Variants in SCEL observed in about 807,000 individuals in gnomAD.
SCEL encodes sciellin.
A neutral mutation model predicts 117.6 loss-of-function variants in SCEL; 113 were observed. The observed-to-expected ratio is 0.96, with a 90% CI of 0.83 to 1.12. The LOEUF is 1.12. Ranked by LOEUF, SCEL falls within the 50% of genes most tolerant of loss-of-function variation. The pLI, the probability that SCEL is intolerant of heterozygous loss-of-function variation, is 0.00. For synonymous variants in SCEL, 270 were observed against 256.2 expected (o/e 1.05, Z -0.51); for missense variants, 785 against 810.8 (o/e 0.97, Z 0.39).
chr13:77,586,426 C>G (rs1279391933), intron 9 of SCEL, among the ~76,000 whole-genome samples: 1 of 152,152 alleles, frequency 6.6e-6, no homozygotes, highest in Non-Finnish European at 1.5e-5. Context: ...ATCACAATCA[C>G]CAGTCCATTA....
At chr13:77,613,803 C>T in intron 23 of SCEL, 90 bp from the exon 24 acceptor site, 1 of 978,928 alleles carries the variant, frequency 1.0e-6, no homozygotes. Flanking sequence ...TGAGTTCTTA[C>T]ACTAGGATTC....
chr13:77,538,540 A>G (rs567610305), intron 1 of SCEL, among the ~76,000 whole-genome samples: 8 of 152,296 alleles, frequency 5.3e-5, no homozygotes, highest in African/African-American at 1.9e-4. Flanking sequence ...TCTTCCTCAC[A>G]TGGATGCTTT....
intron 28 of SCEL, among the ~76,000 whole-genome samples, chr13:77,629,234 T>C (rs530513971): frequency 6.6e-6 from 1 of 152,264 alleles, no homozygotes; most frequent in African/African-American, 2.4e-5. Context: ...CTGAAGAAGT[T>C]TGGAACCCTT....
At chr13:77,586,909 G>A (rs1337877643) in intron 9 of SCEL, among the ~76,000 whole-genome samples, 1 of 152,002 alleles carries the variant, frequency 6.6e-6, no homozygotes, top group Non-Finnish European at 1.5e-5. Context: ...CTTATGTCTG[G>A]GATTGCAGTG....
At chr13:77,563,236 C>T (rs1333095233) in intron 4 of SCEL, among the ~76,000 whole-genome samples, 1 of 151,840 alleles carries the variant, frequency 6.6e-6, no homozygotes, top group Non-Finnish European at 1.5e-5. Context: ...CTTCCTTTCT[C>T]TCACTTCCCA....
In SCEL at chr13:77,608,089, C is replaced by A; in HGVS notation, c.1191C>A (p.Thr397=). 1 of 1,613,168 alleles carries A rather than the reference C, an allele frequency of 6.2e-7. No individual in the cohort carries two copies. Among genetic ancestry groups the A allele is most frequent in the Non-Finnish European group, 8.5e-7 (1 of 1,179,482 alleles). ...GCCTTGATAATCTCATCAAAGTGAC[C>A]CCTGAAGTAAAGAGAAGTAACCAAG... ...GQSLDNLIKV[T]PEVKRSNQGS... Residue 397 remains threonine (T), a synonymous_variant, in exon 20 of 33, where the codon ACC becomes ACA. Coordinates refer to ENST00000349847, the MANE Select transcript of SCEL (RefSeq NM_144777.3).
rs893513841 is a variant in SCEL at position 77,589,008 on chromosome 13, C to T, written c.546-136C>T. ...AGTTTAGTGCTCCATGGATTCTGAC[C>T]TTTCAGGTACCTCACACATGGGGGT... On this transcript the variant is annotated intron_variant, in intron 9 of 32. Coordinates refer to ENST00000349847, the MANE Select transcript of SCEL (RefSeq NM_144777.3). 2.5e-5 allele frequency: 16 copies of T among 639,494 alleles called. No homozygotes were observed. The African/African-American group carries it at 2.8e-4, about 11-fold the overall frequency. 39.6% of individuals were successfully genotyped at this position (639,494 alleles called of 1,614,324 possible). A position where few individuals can be genotyped will look rare whatever the true frequency, so the allele number is the denominator to read the frequency against.
At chr13:77,599,496 TG>T (rs1297253363) in intron 14 of SCEL, 108 bp downstream of exon 14, 1 of 971,384 alleles carries the variant, frequency 1.0e-6, no homozygotes, top group African/African-American at 1.6e-5. Flanking sequence ...GGAAATGTAC[TG>T]GCAGATGGGG....
At chr13:77,577,646 C>G (rs1372521180) in intron 9 of SCEL, among the ~76,000 whole-genome samples, 4 of 152,148 alleles carry the variant, frequency 2.6e-5, no homozygotes, top group Non-Finnish European at 5.9e-5. Flanking sequence ...CTGTCCTGTT[C>G]TCTCAGCTCT....
chr13:77,585,083 T>C (rs1044595503), intron 9 of SCEL, among the ~76,000 whole-genome samples: 2 of 152,248 alleles, frequency 1.3e-5, no homozygotes, highest in African/African-American at 4.8e-5. Context: ...CAAATCCGTC[T>C]TTGGTACCCA....
In SCEL at chr13:77,599,724, C is replaced by G. The variant is rs752759339; in HGVS notation, c.893C>G (p.Thr298Ser). 6.2e-7 allele frequency: 1 copy of G among 1,611,710 alleles called. No homozygotes were observed. Among genetic ancestry groups the G allele is most frequent in the Non-Finnish European group, 8.5e-7 (1 of 1,177,810 alleles). The change falls in exon 15 of 33, where the codon ACC becomes AGC. Residue 298 changes from threonine to serine, a missense_variant. Physicochemically the swap from Thr to Ser is moderately conservative, Grantham distance 58. Coordinates refer to ENST00000349847, the MANE Select transcript of SCEL (RefSeq NM_144777.3). Reference protein sequence around the residue: ...KSLESLIYMSTRTDKDGKGIQ... With the variant: ...KSLESLIYMSSRTDKDGKGIQ... ...CTTGAAAGTCTCATCTATATGAGTACCCGGACAGATAAAGATGGCAAAGGG... is the reference window on the plus strand; with the variant it reads ...CTTGAAAGTCTCATCTATATGAGTAGCCGGACAGATAAAGATGGCAAAGGG...
At chr13:77,628,340 G>T (rs907680768) in intron 28 of SCEL, among the ~76,000 whole-genome samples, 2 of 151,960 alleles carry the variant, frequency 1.3e-5, no homozygotes, top group African/African-American at 4.8e-5. Context: ...CTTTGGGGCT[G>T]TGAAGATTTA....
intron 28 of SCEL, among the ~76,000 whole-genome samples, chr13:77,633,430 G>A (rs2090120647): frequency 3.3e-5 from 2 of 59,902 alleles, no homozygotes; most frequent in East Asian, 1.4e-3. Flanking sequence ...GCGACAGAGC[G>A]AGACTCCGCC....
chr13:77,552,999 G>A (rs1416014123), intron 1 of SCEL, among the ~76,000 whole-genome samples: 4 of 152,192 alleles, frequency 2.6e-5, no homozygotes, highest in African/African-American at 7.2e-5. Flanking sequence ...TCTCAGGTTT[G>A]TCAAAGATCA....
In SCEL at chr13:77,640,683, A is replaced by ACC; in HGVS notation, c.1846_1847insCC (p.Ile616ThrfsTer16). The ACC allele has an allele frequency of 1.3e-6, 2 of 1,566,320 alleles. No individual in the cohort carries two copies. Among genetic ancestry groups the ACC allele is most frequent in the Non-Finnish European group, 1.7e-6 (2 of 1,145,764 alleles). ...TTGCTTACATTTCTATAGGTCTGTCATTGAAAGAGATATGTGCACTTACTG... is the reference window on the plus strand; with the variant it reads ...TTGCTTACATTTCTATAGGTCTGTCACCTTGAAAGAGATATGTGCACTTACTG... On this transcript the variant is annotated frameshift_variant, in exon 31 of 33. Transcript: ENST00000349847. LOFTEE classifies it high-confidence loss of function.
At chr13:77,604,028 ATTGTT>A in intron 18 of SCEL, among the ~76,000 whole-genome samples, 1 of 152,100 alleles carries the variant, frequency 6.6e-6, no homozygotes, top group East Asian at 1.9e-4. Flanking sequence ...ATCTAACTTA[ATTGTT>A]ATTTCAATGC....
chr13:77,583,438 T>A (rs1567378755), intron 9 of SCEL, among the ~76,000 whole-genome samples: 1 of 152,178 alleles, frequency 6.6e-6, no homozygotes, highest in Non-Finnish European at 1.5e-5. Flanking sequence ...TGCCTTGCAT[T>A]CTCCAAGCTC....
At chr13:77,608,920 A>G in intron 20 of SCEL, 138 bp from the exon 21 acceptor site, 2 of 651,940 alleles carry the variant, frequency 3.1e-6, no homozygotes, top group Non-Finnish European at 5.0e-6. Context: ...CTTTTAAATT[A>G]AGAGCATAGA....
At chr13:77,590,849 T>G (rs1220852376) in intron 10 of SCEL, among the ~76,000 whole-genome samples, 2 of 152,062 alleles carry the variant, frequency 1.3e-5, no homozygotes, top group Non-Finnish European at 2.9e-5. Flanking sequence ...AACCAGATAC[T>G]TTAAAAAAGA....
Sources: allele counts gnomAD v4.1 joint callset (sites outside exome capture counted in the v4.1 genomes callset), GRCh38; gene constraint gnomAD v4.1.1; transcripts MANE v1.5; gene names NCBI Gene and HGNC (gene_info 2026-07-23, HGNC 2026-07-21).